Variants in ANKS1B observed in about 807,000 individuals in gnomAD.
ANKS1B encodes the protein ankyrin repeat and sterile alpha motif domain-containing protein 1B.
A neutral mutation model predicts 148.3 loss-of-function variants in ANKS1B; 36 were observed. The ratio of observed to expected loss-of-function variants is 0.24; its 90% CI spans 0.19 to 0.32. The LOEUF (loss-of-function observed/expected upper bound fraction) is 0.32. ANKS1B is among the 10% of genes least tolerant of loss of function. The pLI is 1.00. For synonymous variants in ANKS1B, 542 were observed against 560.8 expected, an observed-to-expected ratio of 0.97 and a Z score of 0.47; for missense variants, 1,157 against 1,542.6, an observed-to-expected ratio of 0.75 and a Z score of 4.19.
chr12:99,196,586 G>GT (rs147640434), intron 14 of ANKS1B, among the ~76,000 whole-genome samples: 18,866 of 147,916 alleles, frequency 0.13, 1,397 homozygotes, highest in South Asian at 0.26. Flanking sequence ...GATGCTTTCT[G>GT]TTTTTTTTTG....
At chr12:99,083,745 C>G (rs2153624832) in intron 16 of ANKS1B, 1 of 152,222 alleles carries the variant, frequency 6.6e-6, no homozygotes, top group African/African-American at 2.4e-5. Context: ...CTATTTCCCT[C>G]ATACTTCCAG....
At chr12:99,155,173 G>A (rs1482026883) in intron 14 of ANKS1B, 80 of 1,391,614 alleles carry the variant, frequency 5.7e-5, no homozygotes, top group Middle Eastern at 2.6e-4. Flanking sequence ...CAGAGCTCAC[G>A]ACAGGTTCCC....
chr12:99,449,731 A>G (rs1440292022), intron 10 of ANKS1B, among the ~76,000 whole-genome samples: 1 of 152,184 alleles, frequency 6.6e-6, no homozygotes, highest in Non-Finnish European at 1.5e-5. Context: ...TCCTTTTTAG[A>G]CAACACATCT....
At chr12:99,316,985 T>G (rs150748232) in intron 12 of ANKS1B, among the ~76,000 whole-genome samples, 568 of 152,290 alleles carry the variant, frequency 3.7e-3, no homozygotes, top group Non-Finnish European at 6.0e-3. Context: ...GTTGTAGATG[T>G]GTGGTGTTAT....
intron 9 of ANKS1B, among the ~76,000 whole-genome samples, chr12:99,644,201 T>C (rs193215753): frequency 2.0e-5 from 3 of 152,354 alleles, no homozygotes; most frequent in Admixed American, 6.5e-5. Context: ...CTCTAGACTA[T>C]CTGCTATTAT....
At chr12:99,533,590 T>C (rs2097026878) in intron 9 of ANKS1B, among the ~76,000 whole-genome samples, 1 of 152,226 alleles carries the variant, frequency 6.6e-6, no homozygotes, top group African/African-American at 2.4e-5. Flanking sequence ...GTGATGAAAG[T>C]GGGCATCCTT....
intron 7 of ANKS1B, among the ~76,000 whole-genome samples, chr12:99,774,792 C>T (rs1182812835): frequency 6.6e-6 from 1 of 150,644 alleles, no homozygotes; most frequent in African/African-American, 2.4e-5. Context: ...TTTATATACA[C>T]ACTACACAAA....
intron 12 of ANKS1B, among the ~76,000 whole-genome samples, chr12:99,333,601 A>T (rs2088023480): frequency 6.6e-6 from 1 of 152,178 alleles, no homozygotes; most frequent in Admixed American, 6.6e-5. Context: ...AAGCCGCTGC[A>T]TGCCTCTAAG....
intron 4 of ANKS1B, 58 bp from the exon 5 acceptor site, chr12:99,782,155 T>G (rs1259094965): frequency 1.5e-6 from 2 of 1,377,664 alleles, no homozygotes; most frequent in Non-Finnish European, 2.0e-6. Context: ...TGCTTACAGG[T>G]TGAAATAAAA....
At chr12:99,963,898 A>C (rs1386203473) in intron 1 of ANKS1B, among the ~76,000 whole-genome samples, 1 of 152,212 alleles carries the variant, frequency 6.6e-6, no homozygotes, top group Non-Finnish European at 1.5e-5. Flanking sequence ...TGGAATCCTT[A>C]TCTCTATCGA....
chr12:99,803,293 A>C (rs2067200411), intron 4 of ANKS1B, among the ~76,000 whole-genome samples: 2 of 140,094 alleles, frequency 1.4e-5, no homozygotes, highest in South Asian at 2.7e-4. Context: ...CCAAAAAAAA[A>C]GGCAATGAGA....
chr12:99,190,069 A>G (rs1044731060), intron 14 of ANKS1B, among the ~76,000 whole-genome samples: 1 of 152,214 alleles, frequency 6.6e-6, no homozygotes, highest in Non-Finnish European at 1.5e-5. Flanking sequence ...GAGGCAAATC[A>G]TAAGTGAACT....
chr12:99,749,468 A>AAGC (rs1302541271), intron 8 of ANKS1B, among the ~76,000 whole-genome samples: 1 of 152,044 alleles, frequency 6.6e-6, no homozygotes, highest in Non-Finnish European at 1.5e-5. Flanking sequence ...GGATCCATAA[A>AAGC]AGCCTAGATT....
At chr12:99,022,810 C>T (rs191881121) in intron 17 of ANKS1B, among the ~76,000 whole-genome samples, 13 of 152,186 alleles carry the variant, frequency 8.5e-5, no homozygotes, top group Admixed American at 7.2e-4. Context: ...CCTCAGCCTC[C>T]TGAGTCACTG....
At chr12:98,853,643 T>C (rs960925328) in intron 17 of ANKS1B, among the ~76,000 whole-genome samples, 4 of 152,226 alleles carry the variant, frequency 2.6e-5, no homozygotes, top group Non-Finnish European at 4.4e-5. Flanking sequence ...ACTGCCCTAG[T>C]TAAATAGATC....
intron 17 of ANKS1B, among the ~76,000 whole-genome samples, chr12:98,887,753 G>A (rs896161933): frequency 6.6e-6 from 1 of 151,976 alleles, no homozygotes; most frequent in South Asian, 2.1e-4. Context: ...GATTACAGGT[G>A]TGTGCCACCA....
At chr12:98,800,177 T>C (rs2098989360) in intron 21 of ANKS1B, among the ~76,000 whole-genome samples, 1 of 102,842 alleles carries the variant, frequency 9.7e-6, no homozygotes, top group African/African-American at 3.9e-5. Context: ...AGCTGCAATA[T>C]AAGTAAGCTT....
Position 99,812,199 on chromosome 12 carries a change from T to C in ANKS1B, c.328A>G (p.Ile110Val), listed in dbSNP as rs2068462987. Residue 110 changes from isoleucine to valine, a missense_variant, in exon 3 of 27, where the codon ATT becomes GTT. Coordinates refer to ENST00000683438, the MANE Select transcript of ANKS1B (RefSeq NM_001352186.2). ...TGTGATGGTCCATGATGAATAAGAA[T>C]CTTCACAATTTCCACATCTCCTTTC... The part of the protein sequence containing the change: ...AWKGDVEIVK[I>V]LIHHGPSHSR... 6.2e-6 allele frequency: 10 copies of C among 1,612,014 alleles called. No individual in the cohort carries two copies. The highest frequency in any genetic ancestry group is 1.3e-5 in the African/African-American group (1 of 74,898).
chr12:99,956,982 T>C (rs1486755122), intron 1 of ANKS1B, among the ~76,000 whole-genome samples: 1 of 152,238 alleles, frequency 6.6e-6, no homozygotes, highest in African/African-American at 2.4e-5. Context: ...CGATTATCAC[T>C]GTTCCTCGTA....
Sources: gnomAD v4.1 joint callset for allele counts (sites outside exome capture counted in the v4.1 genomes callset) on GRCh38, gnomAD v4.1.1 for gene constraint, MANE v1.5 for transcripts, NCBI Gene and HGNC (gene_info 2026-07-23, HGNC 2026-07-21) for gene names.